The following PHIP variants were observed in gnomAD, a reference collection of about 807,000 sequenced individuals.
The protein encoded by PHIP is PH-interacting protein.
PHIP carries 54 observed loss-of-function variants against 236.8 expected under a neutral mutation model. The observed-to-expected ratio is 0.23, with a 90% CI of 0.18 to 0.29. The LOEUF is 0.29. Ranked by LOEUF, PHIP falls within the 10% of genes least tolerant of loss-of-function variation. The pLI is 1.00. For missense variants in PHIP, 1,370 were observed against 2,190.8 expected, an observed-to-expected ratio of 0.63 and a Z score of 7.48; for synonymous variants, 756 against 718.9, an observed-to-expected ratio of 1.05 and a Z score of -0.83.
intron 4 of PHIP, among the ~76,000 whole-genome samples, chr6:79,075,334 G>A (rs75974899): frequency 0.019 from 2,951 of 152,178 alleles, 88 homozygotes; most frequent in African/African-American, 0.067. Flanking sequence ...GCAATATGCT[G>A]AATGAATGAA....
intron 4 of PHIP, among the ~76,000 whole-genome samples, chr6:79,065,251 T>C (rs1479307491): frequency 6.6e-6 from 1 of 152,204 alleles, no homozygotes; most frequent in African/African-American, 2.4e-5. Flanking sequence ...CCAAAATACA[T>C]ATTGGATCAA....
chr6:78,953,749 C>A (rs1416730459), intron 35 of PHIP, among the ~76,000 whole-genome samples: 1 of 152,064 alleles, frequency 6.6e-6, no homozygotes, highest in African/African-American at 2.4e-5. Context: ...ATTAGCCCGG[C>A]TAATTTTTGT....
intron 24 of PHIP, among the ~76,000 whole-genome samples, chr6:78,972,092 AAGAC>A (rs1327659247): frequency 2.6e-5 from 4 of 152,070 alleles, no homozygotes; most frequent in Non-Finnish European, 5.9e-5. Flanking sequence ...GACAAACAAA[AAGAC>A]AGCAGTAACC....
chr6:78,993,308 T>A (rs1019008824), intron 19 of PHIP, among the ~76,000 whole-genome samples: 4 of 152,228 alleles, frequency 2.6e-5, no homozygotes, highest in African/African-American at 9.6e-5. Flanking sequence ...CAGCAATTTA[T>A]CCAGAATAAC....
At chr6:78,997,917 T>A (rs1769733466) in intron 18 of PHIP, among the ~76,000 whole-genome samples, 1 of 152,210 alleles carries the variant, frequency 6.6e-6, no homozygotes, top group Non-Finnish European at 1.5e-5. Context: ...CCCAAGAGTA[T>A]TAATGGTTCA....
chr6:79,070,202 T>C (rs1773813681), intron 4 of PHIP, among the ~76,000 whole-genome samples: 1 of 152,202 alleles, frequency 6.6e-6, no homozygotes, highest in African/African-American at 2.4e-5. Flanking sequence ...TCGTCATATG[T>C]GCTAATTTGT....
intron 22 of PHIP, among the ~76,000 whole-genome samples, chr6:78,984,771 A>G (rs963026911): frequency 6.6e-5 from 10 of 152,136 alleles, no homozygotes; most frequent in African/African-American, 2.4e-4. Context: ...CTATTTTAAG[A>G]GCCACTAAGG....
chr6:79,062,752 T>C (rs1404995272), intron 4 of PHIP, among the ~76,000 whole-genome samples: 1 of 152,238 alleles, frequency 6.6e-6, no homozygotes, highest in African/African-American at 2.4e-5. Context: ...TTAGAAGAGA[T>C]ACTTCCAGTT....
chr6:78,991,544 CA>C (rs1481416809), intron 19 of PHIP, among the ~76,000 whole-genome samples: 2 of 151,902 alleles, frequency 1.3e-5, no homozygotes, highest in African/African-American at 4.8e-5. Flanking sequence ...AACTTTAATA[CA>C]AAAAATGAAC....
intron 10 of PHIP, among the ~76,000 whole-genome samples, chr6:79,018,423 A>G (rs1461995187): frequency 6.6e-6 from 1 of 152,002 alleles, no homozygotes; most frequent in African/African-American, 2.4e-5. Flanking sequence ...CCACAATTAT[A>G]AAATGAGCGG....
chr6:79,075,262 T>C lies in PHIP; in HGVS notation c.189+2186A>G, dbSNP rs371314705. Among the ~76,000 whole-genome samples, 8 of 152,210 alleles carry C rather than the reference T, an allele frequency of 5.3e-5. No individual in the cohort carries two copies. In the East Asian group the frequency reaches 1.4e-3, roughly 26 times the overall value. On this transcript the variant is annotated intron_variant, in intron 4 of 39. Coordinates refer to ENST00000275034, the MANE Select transcript of PHIP (RefSeq NM_017934.7). ...TAAAGTTAACTCACACACCTAGATA[T>C]ACAGTTTGATGGATGAGAAAGCACC...
chr6:78,976,911 CTT>C (rs1460056919), intron 24 of PHIP, among the ~76,000 whole-genome samples: 4 of 43,796 alleles, frequency 9.1e-5, no homozygotes, highest in Admixed American at 2.4e-4. Flanking sequence ...AATAGGAACA[CTT>C]TTACACTGTT....
intron 23 of PHIP, among the ~76,000 whole-genome samples, chr6:78,981,248 T>C (rs943758732): frequency 5.3e-5 from 8 of 152,012 alleles, no homozygotes; most frequent in African/African-American, 1.9e-4. Flanking sequence ...TCAAATCTTA[T>C]TTCCTCTAGG....
chr6:78,966,007 G>C lies in PHIP; in HGVS notation c.3255C>G (p.Ile1085Met). 2 of 1,613,702 alleles carry C rather than the reference G, an allele frequency of 1.2e-6. No homozygotes were observed. The highest frequency in any genetic ancestry group is 1.7e-6 in the Non-Finnish European group (2 of 1,179,690). Reference protein sequence around the residue: ...VIDDAWWFGTIESQEPLQLEY... With the variant: ...VIDDAWWFGTMESQEPLQLEY... ...CAAGTTGAAGAGGTTCCTGGCTTTC[G>C]ATTGTTCCAAACCACCAGGCATCAT... The change falls in exon 28 of 40, where the codon ATC becomes ATG. Residue 1085 changes from isoleucine (I) to methionine (M), a missense_variant. This residue lies in a region of PHIP where 238 missense variants were observed against 398.5 expected (regional missense o/e 0.60). Transcript: ENST00000275034.
intron 35 of PHIP, among the ~76,000 whole-genome samples, 155 bp from the exon 36 acceptor site, chr6:78,947,930 T>C (rs1773916847): frequency 2.0e-5 from 3 of 148,228 alleles, no homozygotes; most frequent in Non-Finnish European, 4.5e-5. Context: ...TTTTTTCTAA[T>C]AATTCTTATT....
chr6:79,015,640 T>C lies in PHIP; in HGVS notation c.1379A>G (p.His460Arg). Residue 460 changes from histidine to arginine, a missense_variant, in exon 14 of 40, where the codon CAT (histidine) becomes CGT (arginine). His to Arg is a conservative substitution (Grantham distance 29). Around this residue, in one of 14 missense-constraint regions of PHIP, gnomAD observed 188 missense variants for 354.3 expected, o/e 0.53. Coordinates refer to ENST00000275034, the MANE Select transcript of PHIP (RefSeq NM_017934.7). ...AGAATTTTTTCTCACCATCAGGACA[T>C]GAATTAGTTGACCAGTGTAAGAATT... The part of the protein sequence containing the change: ...VWNSYTGQLI[H>R]VLMGHEDEVF... 1 of 1,601,770 alleles carries C rather than the reference T, an allele frequency of 6.2e-7. No individual in the cohort carries two copies.
chr6:79,072,880 A>G (rs1773956024), intron 4 of PHIP, among the ~76,000 whole-genome samples: 2 of 152,168 alleles, frequency 1.3e-5, no homozygotes. Flanking sequence ...CTTTATTATA[A>G]AGCTCTAAGC....
rs1768624743 is a variant in PHIP at position 78,982,795 on chromosome 6, T to C, written c.2769+91A>G. 5 of 764,880 alleles carry C rather than the reference T, an allele frequency of 6.5e-6. No individual in the cohort carries two copies. The Admixed American group carries it at 8.1e-5, about 12-fold the overall frequency. The allele number at this position is 764,880 out of a possible 1,614,324, so 47.4% of individuals were successfully genotyped here. ...TTCTATTATTATTTGCTGATACACT[T>C]CAACAATGTTTGTGATCAATTGTAC... On this transcript the variant is annotated intron_variant, in intron 23 of 39. Coordinates refer to ENST00000275034, the MANE Select transcript of PHIP (RefSeq NM_017934.7).
At position 78,966,052 on chromosome 6, in the gene PHIP, G is replaced by A. The variant is rs768902386; in HGVS notation, c.3210C>T (p.Asp1070=). The A allele has an allele frequency of 1.2e-5, 20 of 1,606,016 alleles. No individual in the cohort carries two copies. The highest frequency in any genetic ancestry group is 1.6e-5 in the Non-Finnish European group (19 of 1,172,968). ...DAKYRRWNIG[D]RFRSVIDDAW... ...CATCATCTATGACAGACCTGAAGCG[G>A]TCACCTGGCCAAGAACAAAAACTAA... Residue 1070 remains aspartate, a synonymous_variant, in exon 28 of 40, where the codon GAC becomes GAT. Coordinates refer to ENST00000275034, the MANE Select transcript of PHIP (RefSeq NM_017934.7).
Sources: gnomAD v4.1 joint callset for allele counts (sites outside exome capture counted in the v4.1 genomes callset) on GRCh38, gnomAD v4.1.1 for gene constraint, gnomAD v4.1.1 regional missense constraint, MANE v1.5 for transcripts, NCBI Gene and HGNC (gene_info 2026-07-23, HGNC 2026-07-21) for gene names.